LDB2: variants seen among roughly 807,000 people sequenced by gnomAD.
LDB2 encodes LIM domain binding 2.
In LDB2, 12 loss-of-function variants were observed where a neutral mutation model predicts 44.3. That is an observed-to-expected ratio of 0.27 (90% CI 0.17 to 0.44). LDB2 has a LOEUF of 0.44. Among genes scored for constraint, LDB2 ranks in the 20% least tolerant of loss-of-function variants. The pLI is 1.00. For missense variants in LDB2, 344 were observed against 473.5 expected, an observed-to-expected ratio of 0.73 and a Z score of 2.54; for synonymous variants, 164 against 174.8, an observed-to-expected ratio of 0.94 and a Z score of 0.49.
At chr4:16,670,928 CT>C (rs1744576751) in intron 2 of LDB2, among the ~76,000 whole-genome samples, 1 of 152,134 alleles carries the variant, frequency 6.6e-6, no homozygotes. Flanking sequence ...AACCCTGCCA[CT>C]GTCACCTGAT....
intron 2 of LDB2, among the ~76,000 whole-genome samples, chr4:16,710,727 C>T (rs190403959): frequency 1.8e-4 from 27 of 152,262 alleles, no homozygotes; most frequent in Admixed American, 1.4e-3. Flanking sequence ...AGAAACATAT[C>T]CCTAAACAAT....
intron 2 of LDB2, among the ~76,000 whole-genome samples, chr4:16,631,896 A>G (rs1732060828): frequency 6.6e-6 from 1 of 152,222 alleles, no homozygotes; most frequent in Non-Finnish European, 1.5e-5. Flanking sequence ...GAAGAAGTTG[A>G]ATCTCTGAAT....
chr4:16,662,767 C>T (rs1338801815), intron 2 of LDB2, among the ~76,000 whole-genome samples: 4 of 151,802 alleles, frequency 2.6e-5, no homozygotes, highest in Admixed American at 6.6e-5. Context: ...CTTTGTTCCT[C>T]GTTTGACTTC....
chr4:16,504,062 A>G (rs540122109), intron 7 of LDB2, among the ~76,000 whole-genome samples: 1 of 152,332 alleles, frequency 6.6e-6, no homozygotes, highest in African/African-American at 2.4e-5. Context: ...AACTGTGATC[A>G]GCCTCCACTG....
chr4:16,885,584 C>T (rs1361800637), intron 1 of LDB2, among the ~76,000 whole-genome samples: 1 of 152,154 alleles, frequency 6.6e-6, no homozygotes, highest in Non-Finnish European at 1.5e-5. Flanking sequence ...TCAGAGGTGT[C>T]ATAAATTAAC....
intron 5 of LDB2, among the ~76,000 whole-genome samples, chr4:16,553,006 A>T (rs1738209580): frequency 6.6e-6 from 1 of 152,164 alleles, no homozygotes; most frequent in Non-Finnish European, 1.5e-5. Flanking sequence ...TCACTCTCAC[A>T]CATCCAGTGT....
intron 2 of LDB2, among the ~76,000 whole-genome samples, chr4:16,690,836 T>C (rs1443670861): frequency 6.6e-6 from 1 of 152,164 alleles, no homozygotes; most frequent in East Asian, 1.9e-4. Context: ...TTAAACTCCA[T>C]TGTTGACTGA....
At chr4:16,668,169 T>C (rs928983437) in intron 2 of LDB2, among the ~76,000 whole-genome samples, 2 of 144,468 alleles carry the variant, frequency 1.4e-5, no homozygotes, top group Non-Finnish European at 3.0e-5. Flanking sequence ...TATATATATA[T>C]ACATGTACTG....
chr4:16,866,748 G>A (rs906311467), intron 1 of LDB2, among the ~76,000 whole-genome samples: 2 of 152,082 alleles, frequency 1.3e-5, no homozygotes, highest in East Asian at 3.9e-4. Flanking sequence ...GTCCTGTCTT[G>A]GTAACAGCAC....
At chr4:16,734,703 C>CTTTTTTTTTTTT (rs539507998) in intron 2 of LDB2, among the ~76,000 whole-genome samples, 2 of 129,382 alleles carry the variant, frequency 1.5e-5, no homozygotes, top group Admixed American at 7.8e-5. Flanking sequence ...TTCTTGTTTT[C>CTTTTTTTTTTTT]TTTTTTTTTT....
intron 2 of LDB2, among the ~76,000 whole-genome samples, chr4:16,744,728 G>A (rs946474524): frequency 6.6e-6 from 1 of 151,616 alleles, no homozygotes; most frequent in Admixed American, 6.6e-5. Flanking sequence ...TGCCCGCCTC[G>A]GCCTCCCAAA....
At chr4:16,870,305 C>T (rs1406257951) in intron 1 of LDB2, among the ~76,000 whole-genome samples, 1 of 152,132 alleles carries the variant, frequency 6.6e-6, no homozygotes, top group Non-Finnish European at 1.5e-5. Context: ...TTATCCAGAT[C>T]CAGAGATGGT....
intron 2 of LDB2, among the ~76,000 whole-genome samples, chr4:16,644,420 T>A (rs1035140160): frequency 2.5e-4 from 37 of 150,848 alleles, no homozygotes; most frequent in Non-Finnish European, 5.0e-4. Context: ...CATGAACCAA[T>A]TTTTTTTTCT....
At chr4:16,832,020 G>A (rs1784151440) in intron 1 of LDB2, among the ~76,000 whole-genome samples, 1 of 152,158 alleles carries the variant, frequency 6.6e-6, no homozygotes, top group Non-Finnish European at 1.5e-5. Context: ...AAAAGCCCTG[G>A]ATTGTCTGAA....
intron 1 of LDB2, among the ~76,000 whole-genome samples, chr4:16,861,257 G>T (rs1014268610): frequency 6.6e-6 from 1 of 152,104 alleles, no homozygotes; most frequent in Non-Finnish European, 1.5e-5. Flanking sequence ...GCCAGTTATA[G>T]CCCTGAATCA....
At chr4:16,565,287 A>C (rs960203938) in intron 5 of LDB2, among the ~76,000 whole-genome samples, 3 of 152,216 alleles carry the variant, frequency 2.0e-5, no homozygotes, top group African/African-American at 7.2e-5. Flanking sequence ...GAGTTGATGC[A>C]TGTAAAGAAA....
At chr4:16,751,202 G>A (rs1012272115) in intron 2 of LDB2, among the ~76,000 whole-genome samples, 1 of 152,132 alleles carries the variant, frequency 6.6e-6, no homozygotes, top group Non-Finnish European at 1.5e-5. Context: ...TTTGACAATT[G>A]TAACCCCCTA....
At chr4:16,559,785 A>G (rs923396942) in intron 5 of LDB2, among the ~76,000 whole-genome samples, 1 of 152,072 alleles carries the variant, frequency 6.6e-6, no homozygotes, top group Non-Finnish European at 1.5e-5. Context: ...ACCACACCAC[A>G]CCTATTCCAA....
chr4:16,619,334 C>A (rs1398192665), intron 2 of LDB2, among the ~76,000 whole-genome samples: 1 of 152,140 alleles, frequency 6.6e-6, no homozygotes, highest in Non-Finnish European at 1.5e-5. Flanking sequence ...CAGGTGAGAA[C>A]CTCCCCTAGT....
Sources: gnomAD v4.1 joint callset for allele counts (sites outside exome capture counted in the v4.1 genomes callset) on GRCh38, gnomAD v4.1.1 for gene constraint, MANE v1.5 for transcripts, NCBI Gene and HGNC (gene_info 2026-07-23, HGNC 2026-07-21) for gene names.